Variants in CYB5B observed in about 807,000 individuals in gnomAD.
The protein encoded by CYB5B is cytochrome b5 type B (outer mitochondrial membrane).
Under a neutral mutation model 21.3 loss-of-function variants are expected in CYB5B, and 14 were observed. The ratio of observed to expected loss-of-function variants is 0.66; its 90% CI spans 0.43 to 1.03. The LOEUF is 1.03. Ranked by LOEUF, CYB5B falls within the 50% of genes least tolerant of loss-of-function variation. The probability of loss-of-function intolerance (pLI) is 0.00; values close to 1 mark genes in which losing one functional copy is unlikely to be tolerated. For missense variants in CYB5B, 166 were observed against 185.1 expected (o/e 0.90, Z 0.60); for synonymous variants, 69 against 68.4 (o/e 1.01, Z -0.04).
At chr16:69,444,040 T>G (rs1403344439) in intron 1 of CYB5B, 1 of 152,346 alleles carries the variant, frequency 6.6e-6, no homozygotes, top group Non-Finnish European at 1.5e-5. Context: ...GGTGATATTT[T>G]TATCCTCTGG....
intron 1 of CYB5B, among the ~76,000 whole-genome samples, chr16:69,428,064 A>G (rs1481009191): frequency 6.6e-6 from 1 of 151,096 alleles, no homozygotes; most frequent in East Asian, 1.9e-4. Context: ...GGCTCAAGGG[A>G]TCCTCCTGCC....
intron 1 of CYB5B, among the ~76,000 whole-genome samples, chr16:69,431,848 CA>C (rs2014709638): frequency 1.3e-5 from 2 of 152,104 alleles, no homozygotes; most frequent in Admixed American, 1.3e-4. Context: ...CAAAAACAGA[CA>C]GATGAAATAA....
chr16:69,434,669 G>A (rs750069029), intron 1 of CYB5B, among the ~76,000 whole-genome samples: 1 of 152,094 alleles, frequency 6.6e-6, no homozygotes, highest in East Asian at 1.9e-4. Flanking sequence ...ATCGAGACCA[G>A]CCTGGCCAAC....
intron 1 of CYB5B, among the ~76,000 whole-genome samples, chr16:69,445,433 C>A (rs1479393656): frequency 6.6e-6 from 1 of 152,058 alleles, no homozygotes; most frequent in Non-Finnish European, 1.5e-5. Context: ...TTTTATACTT[C>A]AATTGAATTA....
Sources: allele counts gnomAD v4.1 joint callset (sites outside exome capture counted in the v4.1 genomes callset), GRCh38; gene constraint gnomAD v4.1.1; transcripts MANE v1.5; gene names NCBI Gene and HGNC (gene_info 2026-07-23, HGNC 2026-07-21).